Variants in SCN1A observed in about 807,000 individuals in gnomAD.
SCN1A encodes sodium voltage-gated channel alpha subunit 1, also known as sodium channel protein type 1 subunit alpha.
A neutral mutation model predicts 193.7 loss-of-function variants in SCN1A; 13 were observed. The observed-to-expected ratio is 0.07, with a 90% CI of 0.04 to 0.11. The LOEUF (loss-of-function observed/expected upper bound fraction) is 0.11, where lower values mean the gene tolerates loss of function less well. Among genes scored for constraint, SCN1A ranks in the 10% least tolerant of loss-of-function variants. The probability of loss-of-function intolerance (pLI) is 1.00; values close to 1 mark genes in which losing one functional copy is unlikely to be tolerated. For missense variants in SCN1A, 1,432 were observed against 2,451.1 expected, an observed-to-expected ratio of 0.58 and a Z score of 8.78; for synonymous variants, 781 against 843.6, an observed-to-expected ratio of 0.93 and a Z score of 1.29.
intron 1 of SCN1A, among the ~76,000 whole-genome samples, chr2:166,145,548 A>G (rs1400550975): frequency 8.2e-6 from 1 of 121,288 alleles, no homozygotes; most frequent in African/African-American, 3.3e-5. Flanking sequence ...GTGTGTGTGT[A>G]GGCGCACATG....
In SCN1A at chr2:166,032,150, A is replaced by C. The variant is rs189480323; in HGVS notation, c.3429+3898T>G. ...AGGCCATGAAAGGTAACATTTTTGC[A>C]TCAGTAACATATGTCTCAATATGAA... On this transcript the variant is annotated intron_variant, in intron 19 of 28. Transcript: ENST00000674923. Among the ~76,000 whole-genome samples the C allele has an allele frequency of 3.0e-4, 24 of 80,384 alleles. No individual in the cohort carries two copies. In the East Asian group the frequency reaches 4.0e-3, roughly 13 times the overall value. The allele number at this position is 80,384 out of a possible 152,430, so 52.7% of individuals were successfully genotyped here. A position where few individuals can be genotyped will look rare whatever the true frequency, so the allele number is the denominator to read the frequency against.
downstream of SCN1A, chr2:165,984,750 G>C (rs1688497669): frequency 6.6e-6 from 1 of 152,140 alleles, no homozygotes; most frequent in South Asian, 2.1e-4. Flanking sequence ...GAATATAGGA[G>C]ATGTATTTAT....
Position 166,036,064 on chromosome 2 carries a change from A to G in SCN1A, c.3413T>C (p.Leu1138Pro). 2 of 1,613,846 alleles carry G rather than the reference A, an allele frequency of 1.2e-6. No individual in the cohort carries two copies. The highest frequency in any genetic ancestry group is 1.7e-6 in the Non-Finnish European group (2 of 1,179,898). The change falls in exon 19 of 29, where the codon CTG becomes CCG. Residue 1138 changes from leucine to proline, a missense_variant. Transcript: ENST00000674923. ...GAATCTTACCTCTTTGCTTTCTTCC[A>G]GATCCGATTCACTACTAAAGTCTTC... is the stretch of plus-strand genomic sequence containing the variant. The part of the protein sequence containing the change: ...NTEDFSSESD[L>P]EESKEKLNES...
intron 19 of SCN1A, among the ~76,000 whole-genome samples, chr2:166,025,401 A>G (rs553504101): frequency 6.6e-6 from 1 of 152,238 alleles, no homozygotes; most frequent in South Asian, 2.1e-4. Flanking sequence ...AATTTACAAT[A>G]TGGGTGTTTG....
rs1213980057 is a variant in SCN1A at position 166,050,659 on chromosome 2, TG to T, written c.964+1059del. On this transcript the variant is annotated intron_variant, in intron 9 of 28. Coordinates refer to ENST00000674923, the MANE Select transcript of SCN1A (RefSeq NM_001165963.4). ...TATATGTGTGTATATATTTTTTTTTTGTAGAGAAGGGGTCTCACTATGTTGC... is the reference window on the plus strand; with the variant it reads ...TATATGTGTGTATATATTTTTTTTTTTAGAGAAGGGGTCTCACTATGTTGC... 5.0e-5 allele frequency among the ~76,000 whole-genome samples: 4 copies of T among 79,510 alleles called. No individual in the cohort carries two copies. The Admixed American group carries it at 6.1e-4, about 12-fold the overall frequency. The allele number at this position is 79,510 out of a possible 152,430, so 52.2% of individuals were successfully genotyped here.
intron 2 of SCN1A, among the ~76,000 whole-genome samples, chr2:166,084,509 T>C (rs1685886468): frequency 6.6e-6 from 1 of 152,074 alleles, no homozygotes; most frequent in Non-Finnish European, 1.5e-5. Flanking sequence ...AGTGCCTGAG[T>C]CAGCAATTGT....
intron 1 of SCN1A, among the ~76,000 whole-genome samples, chr2:166,148,673 G>A (rs1354888149): frequency 2.6e-5 from 4 of 152,164 alleles, no homozygotes; most frequent in African/African-American, 9.7e-5. Context: ...TACAAGGGAA[G>A]CAAATTTGCA....
chr2:166,010,143 TG>T (rs959558770), intron 22 of SCN1A, among the ~76,000 whole-genome samples: 24 of 149,166 alleles, frequency 1.6e-4, no homozygotes, highest in Admixed American at 6.0e-4. Flanking sequence ...GAAATCAAGG[TG>T]GAAAAAAATT....
intron 17 of SCN1A, 64 bp from the exon 18 acceptor site, chr2:166,038,196 T>C: frequency 4.9e-6 from 6 of 1,234,624 alleles, no homozygotes; most frequent in Non-Finnish European, 5.7e-6. Context: ...TATTGAGCTT[T>C]ACCTAGAAAT....
intron 19 of SCN1A, among the ~76,000 whole-genome samples, chr2:166,023,776 AT>A (rs937365523): frequency 4.0e-5 from 6 of 151,196 alleles, no homozygotes; most frequent in African/African-American, 1.5e-4. Context: ...AGAAAAAAAA[AT>A]GATGTTTTTT....
chr2:166,036,664 A>G (rs1406736981), intron 18 of SCN1A, 134 bp from the exon 19 acceptor site: 26 of 828,630 alleles, frequency 3.1e-5, no homozygotes, highest in African/African-American at 5.2e-5. Context: ...ACACCACAGC[A>G]TAGTGATTAG....
chr2:166,144,342 A>T (rs1292214931), intron 1 of SCN1A, among the ~76,000 whole-genome samples: 2 of 152,166 alleles, frequency 1.3e-5, no homozygotes, highest in Non-Finnish European at 2.9e-5. Context: ...TCAGTGTGGT[A>T]CCTCTGGTAA....
rs199834182 is a variant in SCN1A at position 166,106,144 on chromosome 2, G to A, written c.-142+20780C>T. Among the ~76,000 whole-genome samples the A allele has an allele frequency of 1.1e-4, 16 of 152,296 alleles. No homozygotes were observed. The East Asian group carries it at 2.1e-3, about 20-fold the overall frequency. The stretch of plus-strand genomic sequence containing the variant: ...GGAGCTTGCAGTGAGCCCAGATTGC[G>A]CCACTGTGCTCCAGCCTGGGCGATA... On this transcript the variant is annotated intron_variant, in intron 2 of 28. Coordinates refer to ENST00000674923, the MANE Select transcript of SCN1A (RefSeq NM_001165963.4).
Position 166,044,201 on chromosome 2 carries a change from T to C in SCN1A, c.1663-152A>G, listed in dbSNP as rs779892856. ...ATTATCATTCTCATTTTATGTGCAT[T>C]CACATTAAATTAAATTACCTTGATA... On this transcript the variant is annotated intron_variant, in intron 13 of 28. Coordinates refer to ENST00000674923, the MANE Select transcript of SCN1A (RefSeq NM_001165963.4). The C allele has an allele frequency of 4.5e-5, 43 of 958,434 alleles. 1 individual carries two copies. The highest frequency in any genetic ancestry group is 6.6e-5 in the Non-Finnish European group (43 of 655,146). 59.4% of individuals were successfully genotyped at this position (958,434 alleles called of 1,614,324 possible). A position where few individuals can be genotyped will look rare whatever the true frequency, so the allele number is the denominator to read the frequency against.
intron 2 of SCN1A, among the ~76,000 whole-genome samples, chr2:166,085,955 T>G (rs1686067338): frequency 6.6e-6 from 1 of 152,158 alleles, no homozygotes. Flanking sequence ...CAGAGATAAT[T>G]TCCTGATTCA....
At chr2:165,998,212 C>T in intron 25 of SCN1A, 37 bp from the exon 26 acceptor site, 1 of 1,554,436 alleles carries the variant, frequency 6.4e-7, no homozygotes, top group South Asian at 1.1e-5. Context: ...TATTACCATA[C>T]ATTTTAGTGC....
In SCN1A at chr2:166,019,522, A is replaced by AT. The variant is rs1364773485; in HGVS notation, c.3430-3796dup. 3.9e-5 allele frequency among the ~76,000 whole-genome samples: 6 copies of AT among 152,032 alleles called. No individual in the cohort carries two copies. The East Asian group carries it at 1.2e-3, about 29-fold the overall frequency. ...TCACTCTTTCAGCACCCAGACTCAA[A>AT]TTTTTTTGTTTACTTTTACTTATTT... is the stretch of plus-strand genomic sequence containing the variant. On this transcript the variant is annotated intron_variant, in intron 19 of 28. Coordinates refer to ENST00000674923, the MANE Select transcript of SCN1A (RefSeq NM_001165963.4).
At chr2:165,999,685 A>C (rs1321089551) in intron 25 of SCN1A, 38 bp downstream of exon 25, 15 of 1,362,474 alleles carry the variant, frequency 1.1e-5, no homozygotes, top group Non-Finnish European at 1.5e-5. Context: ...CCACCTGATC[A>C]ATATTGTAAA....
At chr2:166,056,097 A>G (rs989015157) in intron 6 of SCN1A, among the ~76,000 whole-genome samples, 9 of 152,036 alleles carry the variant, frequency 5.9e-5, no homozygotes, top group African/African-American at 1.9e-4. Flanking sequence ...ACTGGAACCA[A>G]TGTCTACCAT....
Sources: gnomAD v4.1 joint callset for allele counts (sites outside exome capture counted in the v4.1 genomes callset) on GRCh38, gnomAD v4.1.1 for gene constraint, MANE v1.5 for transcripts, NCBI Gene and HGNC (gene_info 2026-07-23, HGNC 2026-07-21) for gene names.